CACNA1C: variants seen among roughly 807,000 people sequenced by gnomAD.
CACNA1C encodes calcium voltage-gated channel subunit alpha1 C.
A neutral mutation model predicts 229.0 loss-of-function variants in CACNA1C; 30 were observed. The observed-to-expected ratio is 0.13, with a 90% CI of 0.10 to 0.18. The LOEUF (loss-of-function observed/expected upper bound fraction) is 0.18, where lower values mean the gene tolerates loss of function less well. CACNA1C is among the 10% of genes least tolerant of loss of function. CACNA1C has a pLI of 1.00. For synonymous variants in CACNA1C, 1,114 were observed against 1,132.5 expected, an observed-to-expected ratio of 0.98 and a Z score of 0.33; for missense variants, 1,658 against 2,845.0, an observed-to-expected ratio of 0.58 and a Z score of 9.49.
chr12:2,420,110 T>C (rs941323496), intron 3 of CACNA1C, among the ~76,000 whole-genome samples: 1 of 144,900 alleles, frequency 6.9e-6, no homozygotes, highest in African/African-American at 2.6e-5. Flanking sequence ...ATGGTGTGTG[T>C]GTGTGTGTGT....
At chr12:2,056,590 A>G (rs576927670) in intron 1 of CACNA1C, among the ~76,000 whole-genome samples, 2 of 152,360 alleles carry the variant, frequency 1.3e-5, no homozygotes, top group African/African-American at 4.8e-5. Context: ...CAGAATAAGA[A>G]TCACTGTAAT....
At chr12:2,579,833 C>T (rs2059875808) in intron 13 of CACNA1C, among the ~76,000 whole-genome samples, 1 of 152,308 alleles carries the variant, frequency 6.6e-6, no homozygotes, top group East Asian at 1.9e-4. Flanking sequence ...CCTGCCTTGA[C>T]CTCCTAAAGT....
At chr12:2,277,358 GACAGACACACACACACACAC>G (rs1427343414) in intron 3 of CACNA1C, among the ~76,000 whole-genome samples, 2,244 of 82,436 alleles carry the variant, frequency 0.027, 15 homozygotes, top group Non-Finnish European at 0.033. Context: ...CAGACAGACA[GACAGACACACACACACACAC>G]ACACACACAC....
intron 1 of CACNA1C, among the ~76,000 whole-genome samples, chr12:2,026,640 A>G (rs544934989): frequency 7.9e-5 from 12 of 152,236 alleles, no homozygotes; most frequent in Non-Finnish European, 1.3e-4. Flanking sequence ...TTTTTTATTC[A>G]ATAAATATTG....
intron 3 of CACNA1C, among the ~76,000 whole-genome samples, chr12:2,164,264 C>G (rs1443588806): frequency 6.6e-6 from 1 of 152,236 alleles, no homozygotes; most frequent in Admixed American, 6.5e-5. Context: ...TCCTTCCTCT[C>G]TCACAGTGCC....
At chr12:2,394,433 C>A (rs2098538085) in intron 3 of CACNA1C, among the ~76,000 whole-genome samples, 1 of 152,246 alleles carries the variant, frequency 6.6e-6, no homozygotes, top group African/African-American at 2.4e-5. Flanking sequence ...ATTTGAGCCA[C>A]CTTCCCCTGC....
chr12:2,566,512 G>T lies in CACNA1C; in HGVS notation c.1599G>T (p.Leu533=). Reference sequence around the variant, plus strand: ...TCTTCTACTGGCTGGTGATTTTCCTGGTGTTCCTCAACACGCTCACCATTG... The same window carrying T: ...TCTTCTACTGGCTGGTGATTTTCCTTGTGTTCCTCAACACGCTCACCATTG... The part of the protein sequence containing the change: ...SNVFYWLVIF[L]VFLNTLTIAS... The change falls in exon 12 of 47, where the codon CTG becomes CTT. Residue 533 remains leucine (L), a synonymous_variant. Coordinates refer to ENST00000399655, the MANE Select transcript of CACNA1C (RefSeq NM_000719.7). This position sits in a 1 kb window ranked among gnomAD's most constrained non-coding sequence, Gnocchi z 4.0. The T allele has an allele frequency of 6.3e-7, 1 of 1,592,902 alleles. No individual in the cohort carries two copies. The highest frequency in any genetic ancestry group is 2.3e-5 in the East Asian group (1 of 43,658).
At position 2,053,092 on chromosome 12, in the gene CACNA1C, A is replaced by C. The variant is rs1012517395; in HGVS notation, c.-471A>C. 1.0e-6 allele frequency: 1 copy of C among 984,150 alleles called. No homozygotes were observed. The highest frequency in any genetic ancestry group is 1.2e-6 in the Non-Finnish European group (1 of 829,386). The allele number at this position is 984,150 out of a possible 1,614,324, so 61.0% of individuals were successfully genotyped here. A position where few individuals can be genotyped will look rare whatever the true frequency, so the allele number is the denominator to read the frequency against. ...GGCGGCTCTTCCTGCCTCCGCGCCC[A>C]GGAGTTGCCGGCTCCCTTTGACAGC... On this transcript the variant is annotated 5_prime_UTR_variant, in exon 1 of 47. Coordinates refer to ENST00000399655, the MANE Select transcript of CACNA1C (RefSeq NM_000719.7). The surrounding 1 kb of genome is among the most constrained non-coding windows in gnomAD (Gnocchi z 5.8).
At chr12:2,581,078 C>T (rs1421105701) in intron 13 of CACNA1C, among the ~76,000 whole-genome samples, 1 of 152,206 alleles carries the variant, frequency 6.6e-6, no homozygotes, top group African/African-American at 2.4e-5. Flanking sequence ...ATAGGCTGAG[C>T]TCAGACTGGC....
chr12:2,195,161 G>A (rs1012114627), intron 3 of CACNA1C, among the ~76,000 whole-genome samples: 1 of 152,230 alleles, frequency 6.6e-6, no homozygotes, highest in East Asian at 1.9e-4. Flanking sequence ...ACCTTGCTAA[G>A]TGCCTGCACA....
At chr12:2,111,754 T>G (rs779996770) in intron 1 of CACNA1C, among the ~76,000 whole-genome samples, 12 of 152,084 alleles carry the variant, frequency 7.9e-5, no homozygotes, top group Non-Finnish European at 1.8e-4. Flanking sequence ...ATACCACAGA[T>G]TGAATGGAGC....
chr12:2,128,825 G>A (rs111298838), intron 3 of CACNA1C, among the ~76,000 whole-genome samples: 3,991 of 152,286 alleles, frequency 0.026, 168 homozygotes, highest in African/African-American at 0.089. Flanking sequence ...GTATAAATGC[G>A]TTTAAACATG....
chr12:2,542,013 C>G (rs915358464), intron 9 of CACNA1C, among the ~76,000 whole-genome samples: 1 of 152,116 alleles, frequency 6.6e-6, no homozygotes, highest in African/African-American at 2.4e-5. Context: ...CTGCCAGTCT[C>G]AGGATGGGAA....
chr12:2,028,151 T>A (rs1355719669), intron 1 of CACNA1C, among the ~76,000 whole-genome samples: 1 of 152,230 alleles, frequency 6.6e-6, no homozygotes, highest in Admixed American at 6.5e-5. Context: ...TTAAGGTTTT[T>A]AGGTTTTATT....
At chr12:2,074,131 A>C (rs574667168) in intron 1 of CACNA1C, among the ~76,000 whole-genome samples, 2 of 130,618 alleles carry the variant, frequency 1.5e-5, no homozygotes, top group East Asian at 4.1e-4. Context: ...AGTGAAAAAA[A>C]AATCAGTTGA....
chr12:2,148,732 T>A (rs976612719), intron 3 of CACNA1C, among the ~76,000 whole-genome samples: 2 of 151,010 alleles, frequency 1.3e-5, no homozygotes, highest in Non-Finnish European at 3.0e-5. Flanking sequence ...TAATTTTTTG[T>A]AGAAACAGGG....
intron 3 of CACNA1C, among the ~76,000 whole-genome samples, chr12:2,163,719 C>T (rs1261456296): frequency 6.6e-6 from 1 of 152,172 alleles, no homozygotes; most frequent in African/African-American, 2.4e-5. Flanking sequence ...GATTTTGGAT[C>T]GATTTTGCAG....
At chr12:2,547,390 C>T (rs1009836446) in intron 9 of CACNA1C, 25 of 771,162 alleles carry the variant, frequency 3.2e-5, no homozygotes, top group African/African-American at 3.2e-4. Flanking sequence ...TGGCTGACTG[C>T]GTGTGCTCTA....
At chr12:2,524,403 G>C (rs929695700) in intron 9 of CACNA1C, among the ~76,000 whole-genome samples, 5 of 152,230 alleles carry the variant, frequency 3.3e-5, no homozygotes, top group Non-Finnish European at 5.9e-5. Flanking sequence ...CCAGGGGCTG[G>C]AGAAACACAG....
Sources: allele counts gnomAD v4.1 joint callset (sites outside exome capture counted in the v4.1 genomes callset), GRCh38; gene constraint gnomAD v4.1.1; non-coding constraint Gnocchi (gnomAD v3.1); transcripts MANE v1.5; gene names NCBI Gene and HGNC (gene_info 2026-07-23, HGNC 2026-07-21).